NRG1: variants seen among roughly 807,000 people sequenced by gnomAD.
NRG1 encodes the protein pro-neuregulin-1, membrane-bound isoform.
A neutral mutation model predicts 63.8 loss-of-function variants in NRG1; 18 were observed. The observed-to-expected ratio is 0.28, with a 90% CI of 0.19 to 0.42. NRG1 has a LOEUF of 0.42. Among genes scored for constraint, NRG1 ranks in the 10% least tolerant of loss-of-function variants. NRG1 has a pLI of 1.00. For synonymous variants in NRG1, 302 were observed against 301.3 expected (o/e 1.00, Z -0.02); for missense variants, 762 against 814.7 (o/e 0.94, Z 0.79).
intron 5 of NRG1, among the ~76,000 whole-genome samples, chr8:32,698,694 A>G (rs1185309395): frequency 1.3e-5 from 2 of 152,214 alleles, no homozygotes; most frequent in African/African-American, 4.8e-5. Context: ...TGCTTGGGGA[A>G]GAATGGCTCA....
chr8:32,329,879 T>C (rs1794696919), intron 1 of NRG1, among the ~76,000 whole-genome samples: 1 of 151,566 alleles, frequency 6.6e-6, no homozygotes, highest in African/African-American at 2.4e-5. Context: ...TATTTCTCTT[T>C]TTAAAAATAA....
chr8:32,463,899 T>C (rs1822683428), intron 1 of NRG1, among the ~76,000 whole-genome samples: 1 of 78,002 alleles, frequency 1.3e-5, no homozygotes, highest in Non-Finnish European at 2.5e-5. Context: ...TTTTTTTTTT[T>C]TTTTTTTTTT....
intron 1 of NRG1, among the ~76,000 whole-genome samples, chr8:32,253,129 T>C (rs1341243026): frequency 3.9e-5 from 6 of 152,346 alleles, no homozygotes; most frequent in South Asian, 2.1e-4. Context: ...TGTACAATCA[T>C]GTCATCTACA....
At chr8:32,246,800 A>G (rs1848628632) in intron 1 of NRG1, among the ~76,000 whole-genome samples, 1 of 152,002 alleles carries the variant, frequency 6.6e-6, no homozygotes, top group African/African-American at 2.4e-5. Context: ...AATGGCGGTT[A>G]CAGGGGATGG....
chr8:32,492,538 G>A (rs542115339), intron 1 of NRG1, among the ~76,000 whole-genome samples: 1 of 151,756 alleles, frequency 6.6e-6, no homozygotes, highest in South Asian at 2.1e-4. Flanking sequence ...CCAAAGACTT[G>A]ATTAATATCA....
intron 1 of NRG1, 74 bp downstream of exon 1, chr8:32,548,900 G>T: frequency 6.8e-7 from 1 of 1,468,734 alleles, no homozygotes; most frequent in Non-Finnish European, 9.0e-7. Flanking sequence ...CTCGGATGCC[G>T]TGGCCTCTCC....
intron 1 of NRG1, among the ~76,000 whole-genome samples, chr8:32,514,613 TG>T (rs1829600951): frequency 6.6e-6 from 1 of 151,882 alleles, no homozygotes; most frequent in African/African-American, 2.4e-5. Flanking sequence ...CATGTGTTTT[TG>T]TTTTTGTTTT....
intron 1 of NRG1, among the ~76,000 whole-genome samples, chr8:32,086,671 A>T (rs1175175034): frequency 1.3e-5 from 2 of 152,250 alleles, no homozygotes; most frequent in Non-Finnish European, 2.9e-5. Flanking sequence ...TAGATTGAAG[A>T]ACACATAATA....
chr8:31,640,787 C>T lies in NRG1; in HGVS notation c.37+1356C>T. 1 of 1,439,902 alleles carries T rather than the reference C, an allele frequency of 6.9e-7. No homozygotes were observed. 89.2% of individuals were successfully genotyped at this position (1,439,902 alleles called of 1,614,324 possible). On this transcript the variant is annotated intron_variant, in intron 1 of 10. Transcript: ENST00000519301. This position sits in a 1 kb window ranked among gnomAD's most constrained non-coding sequence, Gnocchi z 6.3. ...CGGCGAGGAGGGCGCATCCCGGGCG[C>T]GCGGGCAGCGGGGCTCGACGGCCGC...
intron 1 of NRG1, among the ~76,000 whole-genome samples, chr8:32,000,525 C>G (rs1047261320): frequency 1.3e-5 from 2 of 151,894 alleles, no homozygotes; most frequent in Admixed American, 6.6e-5. Flanking sequence ...CCTCAGCCCC[C>G]CAAAGTACTG....
chr8:31,724,167 T>G (rs563024827), intron 1 of NRG1, among the ~76,000 whole-genome samples: 1 of 152,162 alleles, frequency 6.6e-6, no homozygotes, highest in South Asian at 2.1e-4. Flanking sequence ...AAGTACAAAT[T>G]GTGTAGCTAC....
intron 1 of NRG1, among the ~76,000 whole-genome samples, chr8:31,780,213 A>G (rs951570031): frequency 6.6e-6 from 1 of 152,212 alleles, no homozygotes; most frequent in Non-Finnish European, 1.5e-5. Flanking sequence ...ATCTTGAGAA[A>G]TAATTTATTG....
chr8:31,647,893 G>T (rs1265969491), intron 1 of NRG1, among the ~76,000 whole-genome samples: 1 of 152,082 alleles, frequency 6.6e-6, no homozygotes, highest in Admixed American at 6.5e-5. Flanking sequence ...CCGATGAGCA[G>T]TTTAGAAAAA....
At chr8:32,625,784 TTTTC>T (rs1270588276) in intron 5 of NRG1, among the ~76,000 whole-genome samples, 2 of 133,866 alleles carry the variant, frequency 1.5e-5, no homozygotes, top group African/African-American at 5.3e-5. Context: ...CTTTTTTTTT[TTTTC>T]TTTTTTCTTT....
intron 1 of NRG1, among the ~76,000 whole-genome samples, chr8:31,874,599 A>G (rs1185863679): frequency 6.6e-6 from 1 of 152,236 alleles, no homozygotes; most frequent in Non-Finnish European, 1.5e-5. Context: ...TTGTATTACA[A>G]ACAATTCAAT....
chr8:32,615,985 A>G (rs1038429726), intron 4 of NRG1, among the ~76,000 whole-genome samples: 2 of 152,138 alleles, frequency 1.3e-5, no homozygotes, highest in Non-Finnish European at 2.9e-5. Context: ...TAGGAAAAAA[A>G]GAGCTTTTAC....
intron 1 of NRG1, among the ~76,000 whole-genome samples, chr8:32,495,150 C>G (rs1827043426): frequency 6.6e-6 from 1 of 152,110 alleles, no homozygotes; most frequent in South Asian, 2.1e-4. Flanking sequence ...GACTAGGTCC[C>G]CACCCAAAAT....
At chr8:31,717,561 C>T (rs576725329) in intron 1 of NRG1, among the ~76,000 whole-genome samples, 1 of 152,046 alleles carries the variant, frequency 6.6e-6, no homozygotes, top group Non-Finnish European at 1.5e-5. Flanking sequence ...TCCAGTCTTA[C>T]AAAGTGGGAC....
At chr8:31,916,512 C>T (rs1372088046) in intron 1 of NRG1, among the ~76,000 whole-genome samples, 5 of 152,108 alleles carry the variant, frequency 3.3e-5, no homozygotes, top group Admixed American at 1.3e-4. Flanking sequence ...ATTTCATCCA[C>T]GTCCCTATAA....
Sources: allele counts gnomAD v4.1 joint callset (sites outside exome capture counted in the v4.1 genomes callset), GRCh38; gene constraint gnomAD v4.1.1; non-coding constraint Gnocchi (gnomAD v3.1); transcripts MANE v1.5; gene names NCBI Gene and HGNC (gene_info 2026-07-23, HGNC 2026-07-21).